The following PACRG variants were observed in gnomAD, a reference collection of about 807,000 sequenced individuals.
PACRG encodes the protein parkin coregulated, also known as parkin coregulated gene protein.
PACRG carries 29 observed loss-of-function variants against 29.7 expected under a neutral mutation model. The ratio of observed to expected loss-of-function variants is 0.98; its 90% CI spans 0.73 to 1.33. The LOEUF (loss-of-function observed/expected upper bound fraction) is 1.33. Ranked by LOEUF, PACRG falls within the 40% of genes most tolerant of loss-of-function variation. The probability of loss-of-function intolerance (pLI) is 0.00; values close to 1 mark genes in which losing one functional copy is unlikely to be tolerated. For synonymous variants in PACRG, 116 were observed against 118.7 expected, an observed-to-expected ratio of 0.98 and a Z score of 0.15; for missense variants, 279 against 316.2, an observed-to-expected ratio of 0.88 and a Z score of 0.89.
chr6:163,052,292 A>AT (rs1443365127), intron 2 of PACRG, among the ~76,000 whole-genome samples: 6 of 152,314 alleles, frequency 3.9e-5, no homozygotes, highest in African/African-American at 1.4e-4. Flanking sequence ...AGATAATTAT[A>AT]CTTTTTCAGA....
intron 2 of PACRG, among the ~76,000 whole-genome samples, chr6:162,930,964 G>C (rs2128105894): frequency 6.6e-6 from 1 of 151,778 alleles, no homozygotes; most frequent in Admixed American, 6.6e-5. Flanking sequence ...AAGTGCTTTT[G>C]GATTCAGTTT....
chr6:162,847,455 A>G (rs1381988115), intron 2 of PACRG, among the ~76,000 whole-genome samples: 2 of 150,930 alleles, frequency 1.3e-5, no homozygotes, highest in Non-Finnish European at 2.9e-5. Context: ...TATAGTTTGT[A>G]ATACTCGATA....
intron 4 of PACRG, among the ~76,000 whole-genome samples, chr6:163,169,894 G>A (rs1778989518): frequency 6.6e-6 from 1 of 152,190 alleles, no homozygotes; most frequent in South Asian, 2.1e-4. Context: ...AGCAAGATCG[G>A]TTTCTCATGG....
At position 162,831,219 on chromosome 6, in the gene PACRG, A is replaced by T. The variant is rs139528179; in HGVS notation, c.291+16938A>T. 1.9e-3 allele frequency among the ~76,000 whole-genome samples: 290 copies of T among 152,306 alleles called. 1 individual carries two copies. Among genetic ancestry groups the T allele is most frequent in the African/African-American group, 6.6e-3 (275 of 41,568 alleles). ...TTGAAACTGCCTTCAAAGCCAACGC[A>T]TACACCACCACTTATTCATTCTAAG... On this transcript the variant is annotated intron_variant, in intron 2 of 4. Coordinates refer to ENST00000366888, the MANE Select transcript of PACRG (RefSeq NM_001080379.2).
intron 1 of PACRG, among the ~76,000 whole-genome samples, chr6:162,757,322 A>C (rs1436660160): frequency 3.3e-5 from 5 of 152,170 alleles, no homozygotes; most frequent in Non-Finnish European, 7.4e-5. Flanking sequence ...GTGAAAATAA[A>C]ACTGGCATTA....
intron 1 of PACRG, among the ~76,000 whole-genome samples, chr6:162,775,187 T>C (rs113870805): frequency 6.6e-6 from 1 of 152,188 alleles, no homozygotes; most frequent in Non-Finnish European, 1.5e-5. Flanking sequence ...AACCAGAAAG[T>C]GGACCCGCAG....
intron 1 of PACRG, among the ~76,000 whole-genome samples, chr6:162,752,161 G>A (rs1481180834): frequency 6.6e-6 from 1 of 152,098 alleles, no homozygotes; most frequent in Non-Finnish European, 1.5e-5. Flanking sequence ...TGATGCTAAA[G>A]ACAGCCTCGA....
intron 4 of PACRG, among the ~76,000 whole-genome samples, chr6:163,105,358 A>G (rs1815324880): frequency 6.6e-6 from 1 of 152,168 alleles, no homozygotes; most frequent in South Asian, 2.1e-4. Flanking sequence ...TTAGATTGTA[A>G]CTGGAAGATA....
rs376291255 is a variant in PACRG, at chr6:162,972,618, C to T, written c.292-89532C>T. On this transcript the variant is annotated intron_variant, in intron 2 of 4. Coordinates refer to ENST00000366888, the MANE Select transcript of PACRG (RefSeq NM_001080379.2). ...TTGGATATATCAGTAGAAGTTCCCT[C>T]ATCCCCCAGTTCCACATGCACAGCA... Among the ~76,000 whole-genome samples, 31 of 152,320 alleles carry T rather than the reference C, an allele frequency of 2.0e-4. No homozygotes were observed. In the South Asian group the frequency reaches 3.5e-3, roughly 17 times the overall value.
At chr6:162,983,534 T>C (rs1273841578) in intron 2 of PACRG, among the ~76,000 whole-genome samples, 1 of 149,710 alleles carries the variant, frequency 6.7e-6, no homozygotes, top group Middle Eastern at 3.2e-3. Flanking sequence ...CATTTGTTTG[T>C]CTGAAAAAGA....
At chr6:162,886,679 C>T (rs911697690) in intron 2 of PACRG, among the ~76,000 whole-genome samples, 1 of 152,058 alleles carries the variant, frequency 6.6e-6, no homozygotes, top group African/African-American at 2.4e-5. Flanking sequence ...ATTTTTATGT[C>T]ACAGAGATGA....
intron 4 of PACRG, among the ~76,000 whole-genome samples, chr6:163,093,643 T>C (rs375328998): frequency 1.3e-5 from 2 of 152,200 alleles, no homozygotes; most frequent in East Asian, 3.9e-4. Flanking sequence ...GTACCAATAG[T>C]TCTGAAACAA....
chr6:163,107,311 A>G (rs1585222368), intron 4 of PACRG, among the ~76,000 whole-genome samples: 1 of 152,332 alleles, frequency 6.6e-6, no homozygotes, highest in Admixed American at 6.5e-5. Flanking sequence ...TATAAGGCAG[A>G]GATGCATTGA....
intron 4 of PACRG, among the ~76,000 whole-genome samples, chr6:163,266,827 G>C (rs570702273): frequency 9.2e-5 from 14 of 152,278 alleles, no homozygotes; most frequent in African/African-American, 3.4e-4. Context: ...TCAGGCTCCT[G>C]CTCTAGACCG....
intron 4 of PACRG, among the ~76,000 whole-genome samples, chr6:163,137,622 T>G (rs1026882518): frequency 2.6e-5 from 4 of 152,098 alleles, no homozygotes; most frequent in African/African-American, 9.7e-5. Context: ...GTGCTCCAAA[T>G]CCGGAGCTCG....
chr6:162,918,482 G>T (rs1362436591), intron 2 of PACRG, among the ~76,000 whole-genome samples: 3 of 152,214 alleles, frequency 2.0e-5, no homozygotes, highest in African/African-American at 7.2e-5. Flanking sequence ...GCTGTGCCCA[G>T]TCTGCAATTT....
rs180769973 is a variant in PACRG, at chr6:162,803,700, C to T, written c.157-10447C>T. Among the ~76,000 whole-genome samples, 59 of 152,170 alleles carry T rather than the reference C, an allele frequency of 3.9e-4. 1 individual carries two copies. Among genetic ancestry groups the T allele is most frequent in the Middle Eastern group, 6.8e-3 (2 of 294 alleles). On this transcript the variant is annotated intron_variant, in intron 1 of 4. Coordinates refer to ENST00000366888, the MANE Select transcript of PACRG (RefSeq NM_001080379.2). ...CATTAATGAGGAAAAGACATGAACA[C>T]GCATTCACAATGCATGCATATTGTA...
intron 2 of PACRG, among the ~76,000 whole-genome samples, chr6:162,820,383 C>T (rs1252935030): frequency 6.6e-6 from 1 of 152,092 alleles, no homozygotes. Flanking sequence ...TTTTCATTGA[C>T]ATAACTGATA....
chr6:162,866,726 C>T (rs1792328589), intron 2 of PACRG, among the ~76,000 whole-genome samples: 1 of 151,968 alleles, frequency 6.6e-6, no homozygotes, highest in Non-Finnish European at 1.5e-5. Flanking sequence ...GACACAGTTA[C>T]AATAAAAGCC....
Sources: allele counts gnomAD v4.1 joint callset (sites outside exome capture counted in the v4.1 genomes callset), GRCh38; gene constraint gnomAD v4.1.1; transcripts MANE v1.5; gene names NCBI Gene and HGNC (gene_info 2026-07-23, HGNC 2026-07-21).